The following TRIM28 variants were observed in gnomAD, a reference collection of about 807,000 sequenced individuals.
The protein encoded by TRIM28 is tripartite motif containing 28.
A neutral mutation model predicts 87.4 loss-of-function variants in TRIM28; 8 were observed. That is an observed-to-expected ratio of 0.09 (90% confidence interval 0.05 to 0.17). TRIM28 has a LOEUF of 0.17. TRIM28 is among the 10% of genes least tolerant of loss of function. The pLI, the probability that TRIM28 is intolerant of heterozygous loss-of-function variation, is 1.00. For synonymous variants in TRIM28, 601 were observed against 454.3 expected (o/e 1.32, Z -4.11); for missense variants, 968 against 1,131.8 (o/e 0.86, Z 2.08).
chr19:58,550,225 C>A lies in TRIM28; in HGVS notation c.2272C>A (p.Pro758Thr). Residue 758 changes from proline (P) to threonine (T), a missense_variant, in exon 16 of 17, where the codon CCA becomes ACA. Physicochemically the swap from Pro to Thr is conservative, Grantham distance 38 (BLOSUM62 -1). Coordinates refer to ENST00000253024, the MANE Select transcript of TRIM28 (RefSeq NM_005762.3). ...QEKLSPPYSSPQEFAQDVGRM... is the reference protein window; with the variant it reads ...QEKLSPPYSSTQEFAQDVGRM... The stretch of plus-strand genomic sequence containing the variant: ...GAAGTTGTCACCTCCCTACAGCTCC[C>A]CACAGGAGTTTGCCCAGGATGTGGG... The A allele has an allele frequency of 6.2e-7, 1 of 1,614,112 alleles. No homozygotes were observed. The highest frequency in any genetic ancestry group is 8.5e-7 in the Non-Finnish European group (1 of 1,180,006).
At chr19:58,545,260 G>A (rs1476841174) in intron 1 of TRIM28, 163 bp downstream of exon 1, 1 of 877,732 alleles carries the variant, frequency 1.1e-6, no homozygotes, top group Non-Finnish European at 1.7e-6. Context: ...TGTGCTGGCC[G>A]CTGAGATGGG....
intron 2 of TRIM28, 81 bp downstream of exon 2, chr19:58,545,618 C>G (rs1233468082): frequency 6.8e-7 from 1 of 1,480,332 alleles, no homozygotes; most frequent in Admixed American, 1.8e-5. Context: ...CAGCTCCAGG[C>G]TGTTACTCCA....
chr19:58,547,954 T>A (rs747759690), intron 6 of TRIM28, 48 bp downstream of exon 6: 4 of 1,613,514 alleles, frequency 2.5e-6, no homozygotes, highest in African/African-American at 2.7e-5. Context: ...CTCTGCTGAT[T>A]GATGATGCTG....
chr19:58,548,445 C>G (rs2053780758), intron 8 of TRIM28, 37 bp downstream of exon 8: 1 of 1,613,938 alleles, frequency 6.2e-7, no homozygotes, highest in Non-Finnish European at 8.5e-7. Flanking sequence ...GTTATTACCC[C>G]ACGTGCTGCA....
rs1263615842 is a variant in TRIM28, at chr19:58,547,651, G to A, written c.777G>A (p.Leu259=). 1 of 1,614,138 alleles carries A rather than the reference G, an allele frequency of 6.2e-7. No individual in the cohort carries two copies. The highest frequency in any genetic ancestry group is 8.5e-7 in the Non-Finnish European group (1 of 1,180,042). Reference sequence around the variant, plus strand: ...ACCAGCGCAAGCTCCTGGCCTCACTGGTGAAGCGCCTTGGGGACAAACATG... The same window carrying A: ...ACCAGCGCAAGCTCCTGGCCTCACTAGTGAAGCGCCTTGGGGACAAACATG... The part of the protein sequence containing the change: ...VRNQRKLLAS[L]VKRLGDKHAT... The change falls in exon 5 of 17, where the codon CTG becomes CTA. Residue 259 remains leucine, a synonymous_variant. Coordinates refer to ENST00000253024, the MANE Select transcript of TRIM28 (RefSeq NM_005762.3).
At chr19:58,548,437 T>TA (rs1341885088) in intron 8 of TRIM28, 29 bp downstream of exon 8, 5 of 1,614,048 alleles carry the variant, frequency 3.1e-6, no homozygotes, top group Non-Finnish European at 4.2e-6. Flanking sequence ...CTCACTCTGT[T>TA]ATTACCCCAC....
At chr19:58,547,187 G>GGATGTGTTTCTCAGCTATGTT in intron 3 of TRIM28, 189 bp from the exon 4 acceptor site, 1 of 646,284 alleles carries the variant, frequency 1.5e-6, no homozygotes, top group South Asian at 2.0e-5. Flanking sequence ...GCTATGTTGG[G>GGATGTGTTTCTCAGCTATGTT]GCAGAGGATT....
chr19:58,545,070 G>A lies in TRIM28; in HGVS notation c.313G>A (p.Asp105Asn), dbSNP rs2053748600. Residue 105 changes from aspartate to asparagine, a missense_variant, in exon 1 of 17, where the codon GAC becomes AAC. Coordinates refer to ENST00000253024, the MANE Select transcript of TRIM28 (RefSeq NM_005762.3). The part of the protein sequence containing the change: ...AAPAAANSSG[D>N]GGAAGDGTVV... Reference sequence around the variant, plus strand: ...CCCCGCCGCCGCCAACAGCTCGGGGGACGGCGGGGCGGCGGGCGACGGCAC... The same window carrying A: ...CCCCGCCGCCGCCAACAGCTCGGGGAACGGCGGGGCGGCGGGCGACGGCAC... The A allele has an allele frequency of 6.9e-7, 1 of 1,446,046 alleles. No individual in the cohort carries two copies. The highest frequency in any genetic ancestry group is 3.1e-5 in the Admixed American group (1 of 31,746). The allele number at this position is 1,446,046 out of a possible 1,614,324, so 89.6% of individuals were successfully genotyped here.
In TRIM28 at chr19:58,545,750, C is replaced by T. The variant is rs756145812; in HGVS notation, c.454-14C>T. On this transcript the variant is annotated splice_polypyrimidine_tract_variant and intron_variant, in intron 2 of 16. Transcript: ENST00000253024. ...AGTTGTCTTGCCTTCTCTGACCCTGCCTTTGTCTGGCAGTGCTGCACTAGC... is the reference window on the plus strand; with the variant it reads ...AGTTGTCTTGCCTTCTCTGACCCTGTCTTTGTCTGGCAGTGCTGCACTAGC... 3.8e-6 allele frequency: 6 copies of T among 1,598,640 alleles called. No homozygotes were observed. Among genetic ancestry groups the T allele is most frequent in the South Asian group, 2.2e-5 (2 of 90,734 alleles).
rs912031221 is a variant in TRIM28 at position 58,544,447 on chromosome 19, G to C, written c.-311G>C. 6.6e-6 allele frequency: 1 copy of C among 152,278 alleles called. No individual in the cohort carries two copies. Among genetic ancestry groups the C allele is most frequent in the African/African-American group, 2.4e-5 (1 of 41,416 alleles). The allele number at this position is 152,278 out of a possible 1,614,324, so 9.4% of individuals were successfully genotyped here. A position where few individuals can be genotyped will look rare whatever the true frequency, so the allele number is the denominator to read the frequency against. On this transcript the variant is annotated 5_prime_UTR_variant, in exon 1 of 17. Coordinates refer to ENST00000253024, the MANE Select transcript of TRIM28 (RefSeq NM_005762.3). ...CCAGTTATTTCTGTCCCGCCCCCCG[G>C]CCTCGGCTCTTTCTGCGAGCGGGCG... is the stretch of plus-strand genomic sequence containing the variant.
chr19:58,547,390 C>G lies in TRIM28; in HGVS notation c.601C>G (p.Arg201Gly). 1.2e-6 allele frequency: 2 copies of G among 1,613,702 alleles called. No homozygotes were observed. The highest frequency in any genetic ancestry group is 1.7e-6 in the Non-Finnish European group (2 of 1,179,776). Residue 201 changes from arginine (R) to glycine (G), a missense_variant, in exon 4 of 17, where the codon CGG becomes GGG. Coordinates refer to ENST00000253024, the MANE Select transcript of TRIM28 (RefSeq NM_005762.3). ...TVRSTGPAKSRDGERTVYCNV... is the reference protein window; with the variant it reads ...TVRSTGPAKSGDGERTVYCNV... The stretch of plus-strand genomic sequence containing the variant: ...CCACTCCCCAGGGCCAGCCAAGTCT[C>G]GGGATGGTGAACGTACTGTCTATTG...
chr19:58,547,220 G>A, intron 3 of TRIM28, 156 bp from the exon 4 acceptor site: 1 of 854,626 alleles, frequency 1.2e-6, no homozygotes, highest in Non-Finnish European at 1.7e-6. Flanking sequence ...AGTTGGGCTT[G>A]CAGGCCTGTG....
intron 9 of TRIM28, 38 bp from the exon 10 acceptor site, chr19:58,548,702 C>G: frequency 6.2e-7 from 1 of 1,612,352 alleles, no homozygotes; most frequent in South Asian, 1.1e-5. Flanking sequence ...AGTAGGGTTC[C>G]TGTCCCACTG....
chr19:58,547,095 G>T, intron 3 of TRIM28: 1 of 389,462 alleles, frequency 2.6e-6, no homozygotes, highest in East Asian at 4.7e-5. Flanking sequence ...GGGTGGGGTG[G>T]TCCTCTTTTT....
In TRIM28 at chr19:58,547,403, G is replaced by T; in HGVS notation, c.614G>T (p.Arg205Leu). Residue 205 changes from arginine (R) to leucine (L), a missense_variant, in exon 4 of 17, where the codon CGT becomes CTT. Transcript: ENST00000253024. ...CCAGCCAAGTCTCGGGATGGTGAAC[G>T]TACTGTCTATTGCAACGTACACAAG... is the stretch of plus-strand genomic sequence containing the variant. ...TGPAKSRDGERTVYCNVHKHE... is the reference protein window; with the variant it reads ...TGPAKSRDGELTVYCNVHKHE... The T allele has an allele frequency of 1.2e-6, 2 of 1,613,944 alleles. No homozygotes were observed. Among genetic ancestry groups the T allele is most frequent in the Non-Finnish European group, 1.7e-6 (2 of 1,179,958 alleles).
intron 3 of TRIM28, among the ~76,000 whole-genome samples, chr19:58,546,791 G>A (rs1215091277): frequency 6.6e-6 from 1 of 152,072 alleles, no homozygotes; most frequent in Admixed American, 6.5e-5. Flanking sequence ...TCTTTGGGTG[G>A]GATTATGCTG....
Position 58,548,285 on chromosome 19 carries a change from C to T in TRIM28, c.1102-9C>T, listed in dbSNP as rs749787845. On this transcript the variant is annotated splice_polypyrimidine_tract_variant and intron_variant, in intron 7 of 16. Transcript: ENST00000253024. ...TGCTCATTCTTTCCTCCCTTTCACT[C>T]CCAACCAGATCTACTTCCAGCTGCA... 1.9e-6 allele frequency: 3 copies of T among 1,614,072 alleles called. No individual in the cohort carries two copies. The highest frequency in any genetic ancestry group is 8.5e-7 in the Non-Finnish European group (1 of 1,179,972).
At position 58,548,020 on chromosome 19, in the gene TRIM28, C is replaced by T. The variant is rs199839911; in HGVS notation, c.955-14C>T. 2.4e-5 allele frequency: 38 copies of T among 1,614,114 alleles called. No homozygotes were observed. The East Asian group carries it at 5.1e-4, about 22-fold the overall frequency. On this transcript the variant is annotated splice_polypyrimidine_tract_variant and intron_variant, in intron 6 of 16. Transcript: ENST00000253024. ...CTGCCTTCTCTGCTTACCTCATACA[C>T]CTTCTATCTGCAGAAGGTGACTGAG... is the stretch of plus-strand genomic sequence containing the variant.
At chr19:58,545,724 A>G (rs746644612) in intron 2 of TRIM28, 40 bp from the exon 3 acceptor site, 2 of 1,586,156 alleles carry the variant, frequency 1.3e-6, no homozygotes, top group Non-Finnish European at 1.7e-6. Flanking sequence ...TGGATCTATC[A>G]AGTTGTCTTG....
Sources: allele counts gnomAD v4.1 joint callset (sites outside exome capture counted in the v4.1 genomes callset), GRCh38; gene constraint gnomAD v4.1.1; transcripts MANE v1.5; gene names NCBI Gene and HGNC (gene_info 2026-07-23, HGNC 2026-07-21).